The following RAPGEF2 variants were observed in gnomAD, a reference collection of about 807,000 sequenced individuals.
RAPGEF2 encodes the protein Rap guanine nucleotide exchange factor 2, also known as PDZ domain containing guanine nucleotide exchange factor (GEF) 1.
In RAPGEF2, 54 loss-of-function variants were observed where a neutral mutation model predicts 186.7. That is an observed-to-expected ratio of 0.29 (90% CI 0.23 to 0.36). RAPGEF2 has a LOEUF of 0.36. RAPGEF2 is among the 10% of genes least tolerant of loss of function. The pLI is 1.00. For synonymous variants in RAPGEF2, 712 were observed against 705.9 expected (o/e 1.01, Z -0.14); for missense variants, 1,532 against 2,045.0 (o/e 0.75, Z 4.84).
At chr4:159,252,961 T>C (rs1338023234) in intron 7 of RAPGEF2, among the ~76,000 whole-genome samples, 2 of 152,232 alleles carry the variant, frequency 1.3e-5, no homozygotes, top group East Asian at 1.9e-4. Flanking sequence ...AGGGGAAATA[T>C]AAAACAAATT....
rs567750863 is a variant in RAPGEF2 at position 159,266,500 on chromosome 4, G to T, written c.543+22709G>T. Among the ~76,000 whole-genome samples the T allele has an allele frequency of 2.4e-4, 37 of 152,164 alleles. No homozygotes were observed. In the South Asian group the frequency reaches 3.3e-3, roughly 14 times the overall value. Reference sequence around the variant, plus strand: ...CTTTCAAATACCTACATATGTACATGAAATTAAGAGTTTATAATAGAATAA... The same window carrying T: ...CTTTCAAATACCTACATATGTACATTAAATTAAGAGTTTATAATAGAATAA... On this transcript the variant is annotated intron_variant, in intron 7 of 29. Coordinates refer to ENST00000691494, the MANE Select transcript of RAPGEF2 (RefSeq NM_001394067.2).
intron 1 of RAPGEF2, among the ~76,000 whole-genome samples, chr4:159,106,144 C>T (rs894166340): frequency 1.3e-5 from 2 of 152,226 alleles, no homozygotes; most frequent in Non-Finnish European, 2.9e-5. Flanking sequence ...ACTACTAACC[C>T]ACGACATGAA....
intron 1 of RAPGEF2, among the ~76,000 whole-genome samples, chr4:159,132,256 A>G (rs900552632): frequency 6.6e-6 from 1 of 152,244 alleles, no homozygotes; most frequent in Non-Finnish European, 1.5e-5. Context: ...CGTACTTCAC[A>G]GTCTCAACTG....
intron 20 of RAPGEF2, among the ~76,000 whole-genome samples, chr4:159,342,752 A>G (rs891790798): frequency 1.3e-5 from 2 of 152,036 alleles, no homozygotes; most frequent in Admixed American, 6.6e-5. Context: ...TAGTAAACAG[A>G]TGAGGTAGGT....
chr4:159,343,926 G>T, intron 22 of RAPGEF2, 110 bp from the exon 23 acceptor site: 1 of 1,078,394 alleles, frequency 9.3e-7, no homozygotes, highest in South Asian at 1.4e-5. Context: ...TAATGTTTGT[G>T]GGCTTCTAGA....
chr4:159,352,962 T>C (rs763400147), intron 27 of RAPGEF2, 52 bp downstream of exon 27: 8 of 1,425,588 alleles, frequency 5.6e-6, no homozygotes, highest in Non-Finnish European at 6.7e-6. Flanking sequence ...ATCTCTGTTT[T>C]AATAATGAGT....
Position 159,251,087 on chromosome 4 carries a change from G to A in RAPGEF2, c.543+7296G>A, listed in dbSNP as rs114944594. 9.4e-3 allele frequency among the ~76,000 whole-genome samples: 1,431 copies of A among 152,298 alleles called. 24 individuals are homozygous for A. Among genetic ancestry groups the A allele is most frequent in the African/African-American group, 0.032 (1,336 of 41,564 alleles). ...CTGGGTGAGCAGCTGTGGAGGGTGCGCCGGGTTCGCCAGCACTGCCAGCTG... is the reference window on the plus strand; with the variant it reads ...CTGGGTGAGCAGCTGTGGAGGGTGCACCGGGTTCGCCAGCACTGCCAGCTG... On this transcript the variant is annotated intron_variant, in intron 7 of 29. Coordinates refer to ENST00000691494, the MANE Select transcript of RAPGEF2 (RefSeq NM_001394067.2).
intron 2 of RAPGEF2, among the ~76,000 whole-genome samples, chr4:159,191,619 G>T (rs1438186575): frequency 6.6e-6 from 1 of 152,060 alleles, no homozygotes; most frequent in Non-Finnish European, 1.5e-5. Flanking sequence ...CGCAACGATA[G>T]TCCCAGCCAC....
At chr4:159,238,961 A>AAGCAGTATAAGCAGT in intron 5 of RAPGEF2, 77 bp downstream of exon 5, 1 of 828,868 alleles carries the variant, frequency 1.2e-6, no homozygotes, top group Non-Finnish European at 1.7e-6. Flanking sequence ...AACTGCTTAT[A>AAGCAGTATAAGCAGT]ATATTAGATT....
rs568625243 is a variant in RAPGEF2, at chr4:159,270,273, T to C, written c.543+26482T>C. On this transcript the variant is annotated intron_variant, in intron 7 of 29. Transcript: ENST00000691494. The stretch of plus-strand genomic sequence containing the variant: ...AATAATCAGACCTTTAAAATTTTAA[T>C]TGTATGTGAGGAGTTGAATAAGAAA... 6.6e-5 allele frequency among the ~76,000 whole-genome samples: 10 copies of C among 152,284 alleles called. No individual in the cohort carries two copies. The East Asian group carries it at 1.9e-3, about 29-fold the overall frequency.
intron 7 of RAPGEF2, among the ~76,000 whole-genome samples, chr4:159,273,539 C>T (rs1416049174): frequency 6.6e-6 from 1 of 152,034 alleles, no homozygotes; most frequent in Non-Finnish European, 1.5e-5. Context: ...GAATGATTAA[C>T]TTAAGAAAAA....
In RAPGEF2 at chr4:159,330,404, A is replaced by G; in HGVS notation, c.1373A>G (p.Asp458Gly). The change falls in exon 13 of 30, where the codon GAC (aspartate) becomes GGC (glycine). Residue 458 changes from aspartate to glycine, a missense_variant. Around this residue, in one of 4 missense-constraint regions of RAPGEF2, gnomAD observed 810 missense variants for 1,210.5 expected, o/e 0.67. Transcript: ENST00000691494. ...GTAGTAGATCCAACATTCATAGAAG[A>G]CTTTCTGTTGACCTATAGGACTTTT... ...HSVVDPTFIE[D>G]FLLTYRTFLS... 6.2e-7 allele frequency: 1 copy of G among 1,606,268 alleles called. No homozygotes were observed. The highest frequency in any genetic ancestry group is 1.3e-5 in the African/African-American group (1 of 74,504).
rs111472998 is a variant in RAPGEF2 at position 159,116,974 on chromosome 4, CACACTGTT to C, written c.69+12746_69+12753del. Among the ~76,000 whole-genome samples, 1,201 of 152,224 alleles carry C rather than the reference CACACTGTT, an allele frequency of 7.9e-3. 16 individuals are homozygous for C. The highest frequency in any genetic ancestry group is 0.027 in the African/African-American group (1,118 of 41,540). On this transcript the variant is annotated intron_variant, in intron 1 of 29. Transcript: ENST00000691494. Reference sequence around the variant, plus strand: ...TGATGGGTGCAGCAAACCACCATGGCACACTGTTACCTATAACAAGCCTGCACATTCTG... The same window carrying C: ...TGATGGGTGCAGCAAACCACCATGGCACCTATAACAAGCCTGCACATTCTG...
rs1455123039 is a variant in RAPGEF2 at position 159,103,650 on chromosome 4, C to G, written c.-513C>G. ...GAAGATCCAAGTGATTCTCGGAGAC[C>G]CCTGGGCGGCGGCTGCGCAAGCCCC... is the stretch of plus-strand genomic sequence containing the variant. On this transcript the variant is annotated 5_prime_UTR_variant, in exon 1 of 30. Coordinates refer to ENST00000691494, the MANE Select transcript of RAPGEF2 (RefSeq NM_001394067.2). 2 of 152,712 alleles carry G rather than the reference C, an allele frequency of 1.3e-5. No individual in the cohort carries two copies. Among genetic ancestry groups the G allele is most frequent in the Non-Finnish European group, 2.9e-5 (2 of 68,438 alleles). 9.5% of individuals were successfully genotyped at this position (152,712 alleles called of 1,614,324 possible). A position where few individuals can be genotyped will look rare whatever the true frequency, so the allele number is the denominator to read the frequency against.
intron 3 of RAPGEF2, among the ~76,000 whole-genome samples, chr4:159,193,807 A>G (rs1022702149): frequency 2.6e-5 from 4 of 152,236 alleles, no homozygotes. Flanking sequence ...ATTATGATTT[A>G]TTAGACATTT....
rs998272273 is a variant in RAPGEF2, at chr4:159,267,212, A to G, written c.543+23421A>G. On this transcript the variant is annotated intron_variant, in intron 7 of 29. Coordinates refer to ENST00000691494, the MANE Select transcript of RAPGEF2 (RefSeq NM_001394067.2). ...GAAGCAGCAATGCCGTTTGTTTCCT[A>G]AGAGGAATTTTTTATTTAGAAAAGG... The G allele has an allele frequency of 3.1e-6, 4 of 1,288,822 alleles. No homozygotes were observed. The African/African-American group carries it at 6.1e-5, about 20-fold the overall frequency. The allele number at this position is 1,288,822 out of a possible 1,614,324, so 79.8% of individuals were successfully genotyped here. A position where few individuals can be genotyped will look rare whatever the true frequency, so the allele number is the denominator to read the frequency against.
intron 1 of RAPGEF2, among the ~76,000 whole-genome samples, chr4:159,139,319 C>G (rs1020748703): frequency 6.6e-6 from 1 of 152,210 alleles, no homozygotes; most frequent in Non-Finnish European, 1.5e-5. Context: ...AGTCAAATGA[C>G]AGACTCCATT....
At chr4:159,168,850 A>G (rs929524520) in intron 1 of RAPGEF2, among the ~76,000 whole-genome samples, 15 of 152,320 alleles carry the variant, frequency 9.8e-5, no homozygotes, top group South Asian at 2.1e-4. Context: ...AGAAGAATAT[A>G]TGTGATAGGA....
Position 159,323,553 on chromosome 4 carries a change from T to A in RAPGEF2, c.1085T>A (p.Val362Asp), listed in dbSNP as rs1561280216. ...EILCMGNSFG[V>D]SPTMDKEYMK... is the part of the protein sequence containing the mutation. ...CTGTGCATGGGAAATAGTTTTGGTG[T>A]CTCTCCTACCATGGACAAAGAATAC... Residue 362 changes from valine (V) to aspartate (D), a missense_variant, in exon 11 of 30, where the codon GTC becomes GAC. Transcript: ENST00000691494. 6.2e-7 allele frequency: 1 copy of A among 1,612,988 alleles called. No homozygotes were observed. Among genetic ancestry groups the A allele is most frequent in the East Asian group, 2.2e-5 (1 of 44,750 alleles).
Sources: gnomAD v4.1 joint callset for allele counts (sites outside exome capture counted in the v4.1 genomes callset) on GRCh38, gnomAD v4.1.1 for gene constraint, gnomAD v4.1.1 regional missense constraint, MANE v1.5 for transcripts, NCBI Gene and HGNC (gene_info 2026-07-23, HGNC 2026-07-21) for gene names.